Variants in SUN2 observed in about 807,000 individuals in gnomAD.
The protein encoded by SUN2 is Sad1 and UNC84 domain containing 2.
A neutral mutation model predicts 100.0 loss-of-function variants in SUN2; 60 were observed. That is an observed-to-expected ratio of 0.60 (90% confidence interval 0.49 to 0.74). The LOEUF (loss-of-function observed/expected upper bound fraction) is 0.74, where lower values mean the gene tolerates loss of function less well. Ranked by LOEUF, SUN2 falls within the 30% of genes least tolerant of loss-of-function variation. SUN2 has a pLI of 0.00. For missense variants in SUN2, 834 were observed against 954.6 expected (o/e 0.87, Z 1.66); for synonymous variants, 367 against 403.3 (o/e 0.91, Z 1.08).
chr22:38,749,695 G>A, intron 6 of SUN2, 71 bp downstream of exon 6: 1 of 1,406,212 alleles, frequency 7.1e-7, no homozygotes, highest in Non-Finnish European at 1.0e-6. Context: ...ACCATTACAG[G>A]TTGACACACT....
rs755164922 is a variant in SUN2, at chr22:38,740,219, C to G, written c.1356+48G>C. 2 of 1,492,294 alleles carry G rather than the reference C, an allele frequency of 1.3e-6. No individual in the cohort carries two copies. Among genetic ancestry groups the G allele is most frequent in the Admixed American group, 2.3e-5 (1 of 44,082 alleles). The allele number at this position is 1,492,294 out of a possible 1,614,324, so 92.4% of individuals were successfully genotyped here. On this transcript the variant is annotated intron_variant, in intron 12 of 17. Transcript: ENST00000689035. This position sits in a 1 kb window ranked among gnomAD's most constrained non-coding sequence, Gnocchi z 4.8. Reference sequence around the variant, plus strand: ...TTGCAGGCCCCAGGACACGTCGTCTCAAAGGAGGAGGAGAGGGACCAGCAG... The same window carrying G: ...TTGCAGGCCCCAGGACACGTCGTCTGAAAGGAGGAGGAGAGGGACCAGCAG...
rs1296140275 is a variant in SUN2 at position 38,739,582 on chromosome 22, C to T, written c.1578+140G>A. The T allele has an allele frequency of 1.1e-5, 14 of 1,303,818 alleles. No homozygotes were observed. The highest frequency in any genetic ancestry group is 7.3e-5 in the African/African-American group (5 of 68,410). 80.8% of individuals were successfully genotyped at this position (1,303,818 alleles called of 1,614,324 possible). ...GTGGGCACACTGCCACCCACCCATG[C>T]CAGCCCCACAGCATGCAAAGCCTCC... is the stretch of plus-strand genomic sequence containing the variant. On this transcript the variant is annotated intron_variant, in intron 13 of 17. Coordinates refer to ENST00000689035, the MANE Select transcript of SUN2 (RefSeq NM_015374.3). This position sits in a 1 kb window ranked among gnomAD's most constrained non-coding sequence, Gnocchi z 6.7.
chr22:38,741,572 C>G lies in SUN2; in HGVS notation c.1069-1G>C. ...CTGCTCTCAGGGCAGACAGTTCTTC[C>G]TGTGAGACGGGAGTGAGAGGACAGG... On this transcript the variant is annotated splice_acceptor_variant, in intron 9 of 17. Coordinates refer to ENST00000689035, the MANE Select transcript of SUN2 (RefSeq NM_015374.3). LOFTEE classifies it high-confidence loss of function. 6.2e-7 allele frequency: 1 copy of G among 1,613,990 alleles called. No homozygotes were observed. Among genetic ancestry groups the G allele is most frequent in the Non-Finnish European group, 8.5e-7 (1 of 1,179,990 alleles).
chr22:38,754,633 G>A (rs768407163), intron 1 of SUN2: 30 of 1,111,972 alleles, frequency 2.7e-5, no homozygotes, highest in East Asian at 6.4e-5. Context: ...CCGCCCGTAC[G>A]GTCCCTACCT....
chr22:38,744,779 T>A (rs1198720492), intron 8 of SUN2, among the ~76,000 whole-genome samples: 1 of 152,190 alleles, frequency 6.6e-6, no homozygotes, highest in Non-Finnish European at 1.5e-5. Context: ...GTGCCGAGAT[T>A]ACAGATGTGA....
In SUN2 at chr22:38,738,815, ATGG is replaced by A. The variant is rs1295558216; in HGVS notation, c.1779+55_1779+57del. 1.3e-6 allele frequency: 2 copies of A among 1,599,406 alleles called. No individual in the cohort carries two copies. The highest frequency in any genetic ancestry group is 2.7e-5 in the African/African-American group (2 of 74,674). ...TGAGTCCAGCTCTTGCTGACCCCAGATGGGACCAGCCCTCAGTGTGCTCAGAGC... is the reference window on the plus strand; with the variant it reads ...TGAGTCCAGCTCTTGCTGACCCCAGAGACCAGCCCTCAGTGTGCTCAGAGC... On this transcript the variant is annotated intron_variant, in intron 15 of 17. Transcript: ENST00000689035. This position sits in a 1 kb window ranked among gnomAD's most constrained non-coding sequence, Gnocchi z 6.6.
rs2092850425 is a variant in SUN2, at chr22:38,740,815, T to A, written c.1190+192A>T. On this transcript the variant is annotated intron_variant, in intron 11 of 17. Coordinates refer to ENST00000689035, the MANE Select transcript of SUN2 (RefSeq NM_015374.3). The surrounding 1 kb of genome is among the most constrained non-coding windows in gnomAD (Gnocchi z 4.8). ...CTGCCCCCCGCCCTCAGGACCCCCC[T>A]GCTAACCTCCATGGCACCTCAAAGA... The A allele has an allele frequency of 1.6e-6, 1 of 637,812 alleles. No individual in the cohort carries two copies. The highest frequency in any genetic ancestry group is 1.8e-5 in the African/African-American group (1 of 54,798). 39.5% of individuals were successfully genotyped at this position (637,812 alleles called of 1,614,324 possible). A position where few individuals can be genotyped will look rare whatever the true frequency, so the allele number is the denominator to read the frequency against.
rs2092982341 is a variant in SUN2 at position 38,755,967 on chromosome 22, G to A, written c.-242C>T. ...GACAATGCGGCCGGCGGAGGCCCGC[G>A]CTGCGCGAGTGGGGCCGGGCGGCGC... is the stretch of plus-strand genomic sequence containing the variant. On this transcript the variant is annotated 5_prime_UTR_variant, in exon 1 of 18. Transcript: ENST00000689035. The surrounding 1 kb of genome is among the most constrained non-coding windows in gnomAD (Gnocchi z 5.7). 8 of 983,608 alleles carry A rather than the reference G, an allele frequency of 8.1e-6. No individual in the cohort carries two copies. The highest frequency in any genetic ancestry group is 8.4e-6 in the Non-Finnish European group (7 of 829,288). 60.9% of individuals were successfully genotyped at this position (983,608 alleles called of 1,614,324 possible). A position where few individuals can be genotyped will look rare whatever the true frequency, so the allele number is the denominator to read the frequency against.
chr22:38,753,210 CTTTT>C (rs869037443), intron 1 of SUN2, among the ~76,000 whole-genome samples: 1 of 86,258 alleles, frequency 1.2e-5, no homozygotes, highest in Non-Finnish European at 2.1e-5. Context: ...CACCTATGTT[CTTTT>C]TTTTTTTTTT....
At chr22:38,749,026 T>G (rs2092924415) in intron 6 of SUN2, 3 of 460,708 alleles carry the variant, frequency 6.5e-6, no homozygotes, top group Non-Finnish European at 1.2e-5. Flanking sequence ...TTAAAAATAG[T>G]GTGGTCTTTG....
intron 2 of SUN2, 178 bp from the exon 3 acceptor site, chr22:38,751,551 CT>C: frequency 1.6e-6 from 1 of 621,284 alleles, no homozygotes; most frequent in East Asian, 2.8e-5. Context: ...CTCTCCTGTT[CT>C]CTCTGAATCT....
intron 7 of SUN2, among the ~76,000 whole-genome samples, chr22:38,746,500 C>A (rs879438051): frequency 6.6e-6 from 1 of 152,182 alleles, no homozygotes; most frequent in Admixed American, 6.5e-5. Context: ...ACTCAAGCAC[C>A]AGAGGTTGGC....
chr22:38,743,682 G>C (rs1569299664), intron 8 of SUN2: 2 of 151,584 alleles, frequency 1.3e-5, no homozygotes, highest in Non-Finnish European at 1.5e-5. Context: ...CCCAGACCAG[G>C]AAGCTGTTTT....
chr22:38,739,828 T>G lies in SUN2; in HGVS notation c.1472A>C (p.Lys491Thr). 1 of 1,613,616 alleles carries G rather than the reference T, an allele frequency of 6.2e-7. No individual in the cohort carries two copies. ...CATCTCTGCCACATGGGTGAGGATCTTGCTCTCCAGCTCTCGCAGCTGAGC... is the reference window on the plus strand; with the variant it reads ...CATCTCTGCCACATGGGTGAGGATCGTGCTCTCCAGCTCTCGCAGCTGAGC... Reference protein sequence around the residue: ...MQAQLRELESKILTHVAEMQG... With the variant: ...MQAQLRELESTILTHVAEMQG... Residue 491 changes from lysine (K) to threonine (T), a missense_variant, in exon 13 of 18, where the codon AAG becomes ACG. Coordinates refer to ENST00000689035, the MANE Select transcript of SUN2 (RefSeq NM_015374.3). This position sits in a 1 kb window ranked among gnomAD's most constrained non-coding sequence, Gnocchi z 6.7.
chr22:38,752,469 G>T, intron 2 of SUN2, 38 bp downstream of exon 2: 1 of 1,576,444 alleles, frequency 6.3e-7, no homozygotes, highest in South Asian at 1.1e-5. Context: ...AAAGCTTGTG[G>T]GGCTGTCAGG....
In SUN2 at chr22:38,752,772, C is replaced by A. The variant is rs557676503; in HGVS notation, c.-37-107G>T. 6.6e-6 allele frequency: 8 copies of A among 1,220,620 alleles called. No individual in the cohort carries two copies. The East Asian group carries it at 1.1e-4, about 16-fold the overall frequency. The allele number at this position is 1,220,620 out of a possible 1,614,324, so 75.6% of individuals were successfully genotyped here. A position where few individuals can be genotyped will look rare whatever the true frequency, so the allele number is the denominator to read the frequency against. ...TCGCCTCACAGCCGAGAACAGACCACCCCCCCGGCCCCCGGCCCCCGGCGT... is the reference window on the plus strand; with the variant it reads ...TCGCCTCACAGCCGAGAACAGACCAACCCCCCGGCCCCCGGCCCCCGGCGT... On this transcript the variant is annotated intron_variant, in intron 1 of 17. Transcript: ENST00000689035.
chr22:38,752,743 G>A (rs1057511615), intron 1 of SUN2, 78 bp from the exon 2 acceptor site: 2 of 1,470,666 alleles, frequency 1.4e-6, no homozygotes, highest in South Asian at 1.2e-5. Flanking sequence ...GTGGGACAGA[G>A]GCATCGCCTC....
Position 38,735,668 on chromosome 22 carries a change from T to C in SUN2, c.*599A>G, listed in dbSNP as rs918226172. 2 of 166,772 alleles carry C rather than the reference T, an allele frequency of 1.2e-5. No homozygotes were observed. The highest frequency in any genetic ancestry group is 1.2e-4 in the Admixed American group (2 of 17,190). 10.3% of individuals were successfully genotyped at this position (166,772 alleles called of 1,614,324 possible). A position where few individuals can be genotyped will look rare whatever the true frequency, so the allele number is the denominator to read the frequency against. ...GAAGCCCCATGGCCCACTGCTACCC[T>C]CCCCGGGACAAATACACACTTTTGT... On this transcript the variant is annotated 3_prime_UTR_variant, in exon 18 of 18. Coordinates refer to ENST00000689035, the MANE Select transcript of SUN2 (RefSeq NM_015374.3).
Position 38,738,687 on chromosome 22 carries a change from G to A in SUN2, c.1847C>T (p.Ser616Phe), listed in dbSNP as rs2145936727. Residue 616 changes from serine to phenylalanine, a missense_variant, in exon 16 of 18, where the codon TCT (serine) becomes TTT (phenylalanine). Around this residue, in one of 3 missense-constraint regions of SUN2, gnomAD observed 195 missense variants for 280.2 expected, o/e 0.70. Coordinates refer to ENST00000689035, the MANE Select transcript of SUN2 (RefSeq NM_015374.3). This position sits in a 1 kb window ranked among gnomAD's most constrained non-coding sequence, Gnocchi z 6.6. ...AACGGCTGTGGGGCGGATGCGGGCA[G>A]AGAGGCGGACCACGGCGAAGCCTTG... is the stretch of plus-strand genomic sequence containing the variant. Reference protein sequence around the residue: ...GPQGFAVVRLSARIRPTAVTL... With the variant: ...GPQGFAVVRLFARIRPTAVTL... 6.2e-7 allele frequency: 1 copy of A among 1,613,834 alleles called. No individual in the cohort carries two copies. The highest frequency in any genetic ancestry group is 8.5e-7 in the Non-Finnish European group (1 of 1,180,022).
Sources: gnomAD v4.1 joint callset for allele counts (sites outside exome capture counted in the v4.1 genomes callset) on GRCh38, gnomAD v4.1.1 for gene constraint, gnomAD v4.1.1 regional missense constraint, Gnocchi (gnomAD v3.1) non-coding constraint, MANE v1.5 for transcripts, NCBI Gene and HGNC (gene_info 2026-07-23, HGNC 2026-07-21) for gene names.